The following ARHGAP24 variants were observed in gnomAD, a reference collection of about 807,000 sequenced individuals.
The protein encoded by ARHGAP24 is Rho GTPase activating protein 24.
A neutral mutation model predicts 76.4 loss-of-function variants in ARHGAP24; 50 were observed. The observed-to-expected ratio is 0.65, with a 90% CI of 0.52 to 0.83. The LOEUF is 0.83. Among genes scored for constraint, ARHGAP24 ranks in the 40% least tolerant of loss-of-function variants. The pLI, the probability that ARHGAP24 is intolerant of heterozygous loss-of-function variation, is 0.00. For missense variants in ARHGAP24, 930 were observed against 914.2 expected (o/e 1.02, Z -0.22); for synonymous variants, 345 against 323.3 (o/e 1.07, Z -0.72).
At chr4:85,811,598 T>G (rs925751686) in intron 3 of ARHGAP24, among the ~76,000 whole-genome samples, 1 of 152,236 alleles carries the variant, frequency 6.6e-6, no homozygotes, top group Non-Finnish European at 1.5e-5. Flanking sequence ...GTTTATCATT[T>G]TATCCCACTG....
intron 7 of ARHGAP24, 110 bp downstream of exon 7, chr4:85,975,071 T>C: frequency 1.1e-6 from 1 of 946,066 alleles, no homozygotes; most frequent in Non-Finnish European, 1.7e-6. Flanking sequence ...GCCCTAGTGT[T>C]GGCCTCTGTA....
At chr4:85,925,279 T>C (rs1286759259) in intron 4 of ARHGAP24, among the ~76,000 whole-genome samples, 1 of 152,256 alleles carries the variant, frequency 6.6e-6, no homozygotes, top group East Asian at 1.9e-4. Context: ...AATTGTCCAG[T>C]ACATTTACGC....
intron 1 of ARHGAP24, among the ~76,000 whole-genome samples, chr4:85,502,943 G>A (rs1387476511): frequency 6.6e-6 from 1 of 152,166 alleles, no homozygotes; most frequent in Admixed American, 6.5e-5. Flanking sequence ...ATTGAATTTT[G>A]TTGAAGGCCT....
chr4:85,767,978 G>A lies in ARHGAP24; in HGVS notation c.268+46006G>A, dbSNP rs572043019. ...TTGCTCTAAACTTGAAAATCTTGAG[G>A]CATTCTGAAAGATAAACAGTGTTTT... On this transcript the variant is annotated intron_variant, in intron 3 of 9. Coordinates refer to ENST00000395184, the MANE Select transcript of ARHGAP24 (RefSeq NM_001025616.3). Among the ~76,000 whole-genome samples, 8 of 152,246 alleles carry A rather than the reference G, an allele frequency of 5.3e-5. No homozygotes were observed. In the East Asian group the frequency reaches 1.5e-3, roughly 29 times the overall value.
chr4:85,784,809 T>C (rs1578224793), intron 3 of ARHGAP24, among the ~76,000 whole-genome samples: 1 of 152,094 alleles, frequency 6.6e-6, no homozygotes, highest in Non-Finnish European at 1.5e-5. Context: ...TTGCTCAGAA[T>C]TTAATTCCCT....
At chr4:85,745,582 C>A (rs1452422121) in intron 3 of ARHGAP24, among the ~76,000 whole-genome samples, 2 of 94,294 alleles carry the variant, frequency 2.1e-5, no homozygotes, top group South Asian at 3.8e-4. Context: ...CAGAGTGACA[C>A]CTTATCTCTT....
At chr4:85,715,519 G>T (rs926914742) in intron 2 of ARHGAP24, among the ~76,000 whole-genome samples, 1 of 151,986 alleles carries the variant, frequency 6.6e-6, no homozygotes, top group African/African-American at 2.4e-5. Context: ...TACAGATGAC[G>T]AACCTGAGGA....
intron 2 of ARHGAP24, among the ~76,000 whole-genome samples, chr4:85,643,332 C>G (rs1473539130): frequency 1.2e-5 from 1 of 82,660 alleles, no homozygotes; most frequent in African/African-American, 3.7e-5. Context: ...AATCTCGGCT[C>G]ACTGCAAGCT....
At chr4:85,830,264 CA>C (rs1366186772) in intron 3 of ARHGAP24, among the ~76,000 whole-genome samples, 1 of 152,100 alleles carries the variant, frequency 6.6e-6, no homozygotes, top group African/African-American at 2.4e-5. Context: ...CCCTTGGGAC[CA>C]GGGAAAATCC....
At chr4:85,723,906 A>G (rs1031487164) in intron 3 of ARHGAP24, among the ~76,000 whole-genome samples, 3 of 152,112 alleles carry the variant, frequency 2.0e-5, no homozygotes, top group African/African-American at 7.2e-5. Context: ...TTTCATCAAT[A>G]TTTGCATTAT....
At chr4:85,648,869 C>A (rs567969856) in intron 2 of ARHGAP24, among the ~76,000 whole-genome samples, 35 of 152,154 alleles carry the variant, frequency 2.3e-4, no homozygotes, top group Admixed American at 9.2e-4. Flanking sequence ...AGCTTCCACT[C>A]CTAGTTAAAT....
chr4:85,553,226 T>C (rs528846570), intron 1 of ARHGAP24, among the ~76,000 whole-genome samples: 1 of 152,194 alleles, frequency 6.6e-6, no homozygotes, highest in South Asian at 2.1e-4. Context: ...ACCCAAACAG[T>C]GAGCAGCAGC....
chr4:85,598,380 C>G (rs928439512), intron 2 of ARHGAP24, among the ~76,000 whole-genome samples: 1 of 151,998 alleles, frequency 6.6e-6, no homozygotes, highest in Non-Finnish European at 1.5e-5. Context: ...GATTAATTTA[C>G]ATTTCTCTTA....
At chr4:85,913,341 T>G (rs1735190700) in intron 3 of ARHGAP24, among the ~76,000 whole-genome samples, 2 of 151,410 alleles carry the variant, frequency 1.3e-5, no homozygotes, top group South Asian at 4.2e-4. Context: ...TACCTACATC[T>G]AGTTGCCTAA....
intron 2 of ARHGAP24, among the ~76,000 whole-genome samples, chr4:85,707,080 A>G (rs1724341198): frequency 6.6e-6 from 1 of 152,084 alleles, no homozygotes; most frequent in African/African-American, 2.4e-5. Context: ...AAGCCTGGCT[A>G]ATTTTTAAAA....
At chr4:85,744,650 C>G (rs1031483664) in intron 3 of ARHGAP24, among the ~76,000 whole-genome samples, 1 of 152,102 alleles carries the variant, frequency 6.6e-6, no homozygotes, top group African/African-American at 2.4e-5. Flanking sequence ...CCACCCTCCA[C>G]GCGTTAGAGG....
At chr4:85,628,043 G>A (rs746766696) in intron 2 of ARHGAP24, among the ~76,000 whole-genome samples, 79 of 152,258 alleles carry the variant, frequency 5.2e-4, no homozygotes, top group African/African-American at 1.7e-3. Flanking sequence ...GTGATGCCTC[G>A]CCCTGCTTCG....
intron 3 of ARHGAP24, among the ~76,000 whole-genome samples, chr4:85,885,267 T>A (rs1057430445): frequency 6.6e-6 from 1 of 152,156 alleles, no homozygotes; most frequent in Non-Finnish European, 1.5e-5. Context: ...AGCCTTTTAG[T>A]TTTGTAATCC....
chr4:85,909,310 T>TAA (rs1353438084), intron 3 of ARHGAP24, among the ~76,000 whole-genome samples: 1 of 152,084 alleles, frequency 6.6e-6, no homozygotes, highest in Non-Finnish European at 1.5e-5. Flanking sequence ...TTGTTTTTTT[T>TAA]AATTTGTGGT....
Sources: allele counts gnomAD v4.1 joint callset (sites outside exome capture counted in the v4.1 genomes callset), GRCh38; gene constraint gnomAD v4.1.1; transcripts MANE v1.5; gene names NCBI Gene and HGNC (gene_info 2026-07-23, HGNC 2026-07-21).